SPOCK1: variants seen among roughly 807,000 people sequenced by gnomAD.
SPOCK1 encodes testican-1.
In SPOCK1, 23 loss-of-function variants were observed where a neutral mutation model predicts 55.3. That is an observed-to-expected ratio of 0.42 (90% CI 0.30 to 0.59). The LOEUF (loss-of-function observed/expected upper bound fraction) is 0.59, where lower values mean the gene tolerates loss of function less well. Among genes scored for constraint, SPOCK1 ranks in the 20% least tolerant of loss-of-function variants. The pLI is 0.22. For missense variants in SPOCK1, 499 were observed against 552.5 expected (o/e 0.90, Z 0.97); for synonymous variants, 226 against 221.0 (o/e 1.02, Z -0.20).
At chr5:137,280,370 T>C (rs1757147615) in intron 2 of SPOCK1, among the ~76,000 whole-genome samples, 1 of 152,206 alleles carries the variant, frequency 6.6e-6, no homozygotes, top group African/African-American at 2.4e-5. Context: ...GTCCTAACAT[T>C]GTATGATTCT....
chr5:137,335,729 A>G (rs1750257361), intron 2 of SPOCK1, among the ~76,000 whole-genome samples: 1 of 152,220 alleles, frequency 6.6e-6, no homozygotes, highest in Middle Eastern at 3.2e-3. Flanking sequence ...CAGGCCTTGC[A>G]CAGGGAAAGC....
chr5:137,037,670 G>T (rs1159818723), intron 6 of SPOCK1, among the ~76,000 whole-genome samples: 1 of 152,100 alleles, frequency 6.6e-6, no homozygotes, highest in East Asian at 1.9e-4. Flanking sequence ...GATTTCTCTG[G>T]GGTGAGCTGT....
chr5:137,199,180 AC>A (rs1218086201), intron 3 of SPOCK1, among the ~76,000 whole-genome samples: 2 of 152,216 alleles, frequency 1.3e-5, no homozygotes, highest in Non-Finnish European at 2.9e-5. Context: ...CCAGGAGAAC[AC>A]AGGGTGCTGC....
At chr5:137,170,036 T>C (rs1247827326) in intron 3 of SPOCK1, among the ~76,000 whole-genome samples, 3 of 152,186 alleles carry the variant, frequency 2.0e-5, no homozygotes, top group African/African-American at 4.8e-5. Context: ...TGTCCTTCAG[T>C]ATCCATGAGG....
rs542025763 is a variant in SPOCK1 at position 137,218,929 on chromosome 5, C to A, written c.232+48081G>T. Among the ~76,000 whole-genome samples the A allele has an allele frequency of 1.2e-3, 188 of 152,288 alleles. 1 individual carries two copies. Among genetic ancestry groups the A allele is most frequent in the African/African-American group, 4.0e-3 (166 of 41,558 alleles). On this transcript the variant is annotated intron_variant, in intron 3 of 10. Transcript: ENST00000394945. ...AACAAGGAAAAAAGCAGTGCCCAGG[C>A]TGGCTCCAAGCAGGCTGAAGTGGGA...
At chr5:137,083,476 C>A (rs1398446476) in intron 5 of SPOCK1, among the ~76,000 whole-genome samples, 1 of 152,166 alleles carries the variant, frequency 6.6e-6, no homozygotes, top group African/African-American at 2.4e-5. Context: ...CCTCAATGGG[C>A]AGCGGCACTC....
intron 6 of SPOCK1, among the ~76,000 whole-genome samples, chr5:137,064,045 A>T (rs1337672233): frequency 6.6e-6 from 1 of 152,142 alleles, no homozygotes; most frequent in Non-Finnish European, 1.5e-5. Context: ...AACAGAGAAG[A>T]AAGAGGATTC....
chr5:137,291,618 A>G (rs1293436102), intron 2 of SPOCK1, among the ~76,000 whole-genome samples: 1 of 152,216 alleles, frequency 6.6e-6, no homozygotes, highest in African/African-American at 2.4e-5. Flanking sequence ...TGCAGCAAAT[A>G]ACGGAGCTCC....
chr5:137,032,956 G>A (rs896164723), intron 6 of SPOCK1, among the ~76,000 whole-genome samples: 4 of 152,326 alleles, frequency 2.6e-5, no homozygotes, highest in East Asian at 1.9e-4. Flanking sequence ...GAGAAGAAGA[G>A]ATGCACAAGA....
intron 2 of SPOCK1, among the ~76,000 whole-genome samples, chr5:137,472,526 C>A (rs1474101848): frequency 1.3e-5 from 2 of 152,154 alleles, no homozygotes; most frequent in African/African-American, 4.8e-5. Flanking sequence ...ACTGGGGCAA[C>A]CCATGGAAGG....
chr5:137,278,716 A>G (rs779629302), intron 2 of SPOCK1, among the ~76,000 whole-genome samples: 10 of 152,236 alleles, frequency 6.6e-5, no homozygotes, highest in Non-Finnish European at 1.3e-4. Flanking sequence ...GATGCCTGAT[A>G]GAAACAAATG....
At chr5:137,435,983 G>T (rs1752856531) in intron 2 of SPOCK1, among the ~76,000 whole-genome samples, 1 of 147,666 alleles carries the variant, frequency 6.8e-6, no homozygotes, top group Non-Finnish European at 1.5e-5. Context: ...GCAAAACCCA[G>T]TCTCTACTAA....
At chr5:137,187,131 C>T (rs1409269575) in intron 3 of SPOCK1, among the ~76,000 whole-genome samples, 1 of 152,156 alleles carries the variant, frequency 6.6e-6, no homozygotes, top group Non-Finnish European at 1.5e-5. Context: ...ATCCCTCTGT[C>T]CCACTCCCTG....
chr5:137,424,555 A>G (rs1418291373), intron 2 of SPOCK1, among the ~76,000 whole-genome samples: 2 of 152,228 alleles, frequency 1.3e-5, no homozygotes, highest in African/African-American at 2.4e-5. Flanking sequence ...AGCTCTGTAC[A>G]TGAATGCTCA....
intron 3 of SPOCK1, among the ~76,000 whole-genome samples, chr5:137,259,688 TA>T (rs61576266): frequency 1.5e-3 from 194 of 130,160 alleles, no homozygotes; most frequent in Admixed American, 1.8e-3. Context: ...CACATGAAAG[TA>T]AAAAAAAAAA....
intron 4 of SPOCK1, among the ~76,000 whole-genome samples, chr5:137,116,475 T>G (rs1753582184): frequency 6.6e-6 from 1 of 151,638 alleles, no homozygotes; most frequent in Admixed American, 6.6e-5. Context: ...CGAAACCCCG[T>G]CTCTACTAAA....
At chr5:137,102,114 C>G (rs967656493) in intron 5 of SPOCK1, among the ~76,000 whole-genome samples, 9 of 152,090 alleles carry the variant, frequency 5.9e-5, no homozygotes, top group Non-Finnish European at 1.3e-4. Context: ...AAATTTTATT[C>G]ATGCAGTATA....
At chr5:137,027,554 G>A (rs1271762207) in intron 6 of SPOCK1, among the ~76,000 whole-genome samples, 1 of 152,006 alleles carries the variant, frequency 6.6e-6, no homozygotes, top group Non-Finnish European at 1.5e-5. Context: ...TGTGACCAAG[G>A]AATTGAGCTT....
At chr5:137,034,154 AGGACAG>A (rs1230946577) in intron 6 of SPOCK1, among the ~76,000 whole-genome samples, 1 of 152,216 alleles carries the variant, frequency 6.6e-6, no homozygotes, top group Non-Finnish European at 1.5e-5. Context: ...CCTGCCCTGG[AGGACAG>A]GCTGCTCAGG....
Sources: gnomAD v4.1 joint callset for allele counts (sites outside exome capture counted in the v4.1 genomes callset) on GRCh38, gnomAD v4.1.1 for gene constraint, MANE v1.5 for transcripts, NCBI Gene and HGNC (gene_info 2026-07-23, HGNC 2026-07-21) for gene names.